Variants in EXOC6B observed in about 807,000 individuals in gnomAD.
The protein encoded by EXOC6B is SEC15 homolog B.
A neutral mutation model predicts 113.5 loss-of-function variants in EXOC6B; 54 were observed. The ratio of observed to expected loss-of-function variants is 0.48; its 90% CI spans 0.38 to 0.60. The LOEUF (loss-of-function observed/expected upper bound fraction) is 0.60, where lower values mean the gene tolerates loss of function less well. EXOC6B is among the 20% of genes least tolerant of loss of function. The pLI is 0.00. For missense variants in EXOC6B, 797 were observed against 977.5 expected (o/e 0.82, Z 2.46); for synonymous variants, 357 against 339.0 (o/e 1.05, Z -0.58).
rs1026864012 is a variant in EXOC6B, at chr2:72,177,903, A to C, written c.*1432T>G. The C allele has an allele frequency of 3.3e-5, 5 of 152,216 alleles. No homozygotes were observed. The highest frequency in any genetic ancestry group is 7.3e-5 in the Non-Finnish European group (5 of 68,046). The allele number at this position is 152,216 out of a possible 1,614,324, so 9.4% of individuals were successfully genotyped here. ...ACTAGCCATCTTTCTGCTACTAGCC[A>C]GTAGCATCTTTCTGAAGTGTCTTAA... On this transcript the variant is annotated 3_prime_UTR_variant, in exon 22 of 22. Coordinates refer to ENST00000272427, the MANE Select transcript of EXOC6B (RefSeq NM_015189.3).
chr2:72,643,987 A>C (rs1673482185), intron 6 of EXOC6B, among the ~76,000 whole-genome samples: 1 of 152,046 alleles, frequency 6.6e-6, no homozygotes, highest in African/African-American at 2.4e-5. Flanking sequence ...AAGGTCGGTA[A>C]TAACAAACTT....
chr2:72,216,133 C>T (rs1413943803), intron 20 of EXOC6B, among the ~76,000 whole-genome samples: 2 of 151,674 alleles, frequency 1.3e-5, no homozygotes. Context: ...CAAAACCAAG[C>T]TAGCAAGCAA....
chr2:72,499,524 C>A (rs184013615), intron 12 of EXOC6B, among the ~76,000 whole-genome samples: 1 of 149,570 alleles, frequency 6.7e-6, no homozygotes, highest in Non-Finnish European at 1.5e-5. Context: ...AGGTACTGCA[C>A]CCAGTCAGAT....
chr2:72,557,560 TA>T (rs1408307308), intron 8 of EXOC6B, among the ~76,000 whole-genome samples: 1 of 152,048 alleles, frequency 6.6e-6, no homozygotes, highest in Non-Finnish European at 1.5e-5. Context: ...GAAAAACAAA[TA>T]TCCCATGTTC....
At chr2:72,289,693 G>T (rs1685666742) in intron 20 of EXOC6B, among the ~76,000 whole-genome samples, 1 of 152,072 alleles carries the variant, frequency 6.6e-6, no homozygotes, top group African/African-American at 2.4e-5. Flanking sequence ...TCTCTGTGAG[G>T]GTATTTCTAG....
At chr2:72,262,427 C>T (rs1033670766) in intron 20 of EXOC6B, among the ~76,000 whole-genome samples, 3 of 152,002 alleles carry the variant, frequency 2.0e-5, no homozygotes, top group African/African-American at 4.8e-5. Flanking sequence ...AATAGTATCC[C>T]TGATATTAAA....
chr2:72,403,628 A>G (rs765568174), intron 18 of EXOC6B, among the ~76,000 whole-genome samples: 2 of 152,192 alleles, frequency 1.3e-5, no homozygotes, highest in African/African-American at 2.4e-5. Context: ...CAGGAGTTCA[A>G]GGCCACAGTG....
At chr2:72,818,937 A>G (rs1686430755) in intron 1 of EXOC6B, among the ~76,000 whole-genome samples, 2 of 152,186 alleles carry the variant, frequency 1.3e-5, no homozygotes, top group African/African-American at 4.8e-5. Flanking sequence ...CCCAGTCATT[A>G]TGTAACATTA....
intron 8 of EXOC6B, among the ~76,000 whole-genome samples, chr2:72,530,454 G>C (rs754617218): frequency 2.0e-5 from 3 of 152,102 alleles, no homozygotes; most frequent in African/African-American, 4.8e-5. Context: ...ATTCCATTGA[G>C]GTCTATGTGT....
Position 72,641,212 on chromosome 2 carries a change from T to C in EXOC6B, c.670-65544A>G, listed in dbSNP as rs1023893624. 3.3e-5 allele frequency among the ~76,000 whole-genome samples: 5 copies of C among 152,244 alleles called. No individual in the cohort carries two copies. In the South Asian group the frequency reaches 1.0e-3, roughly 32 times the overall value. On this transcript the variant is annotated intron_variant, in intron 6 of 21. Transcript: ENST00000272427. ...ACCTGGTTCATCTAATTGGGACTGGTTGGACAGTGGGTGCAGCTCAGAGAG... is the reference window on the plus strand; with the variant it reads ...ACCTGGTTCATCTAATTGGGACTGGCTGGACAGTGGGTGCAGCTCAGAGAG...
At chr2:72,358,528 C>A (rs945086717) in intron 19 of EXOC6B, among the ~76,000 whole-genome samples, 1 of 152,090 alleles carries the variant, frequency 6.6e-6, no homozygotes, top group Non-Finnish European at 1.5e-5. Context: ...TTAGTTATCA[C>A]ATGTCTATGA....
intron 20 of EXOC6B, among the ~76,000 whole-genome samples, chr2:72,242,022 C>T (rs1682343356): frequency 6.6e-6 from 1 of 151,954 alleles, no homozygotes; most frequent in African/African-American, 2.4e-5. Flanking sequence ...GGGCAACATA[C>T]CAAGACCTCG....
Position 72,698,721 on chromosome 2 carries a change from T to C in EXOC6B, c.669+19382A>G, listed in dbSNP as rs148355104. On this transcript the variant is annotated intron_variant, in intron 6 of 21. Coordinates refer to ENST00000272427, the MANE Select transcript of EXOC6B (RefSeq NM_015189.3). ...GACAGCAAAATGAAATATAGGTCAA[T>C]TTATTCTCTGACACCAATCTATTAT... 3.5e-4 allele frequency among the ~76,000 whole-genome samples: 53 copies of C among 152,312 alleles called. 1 individual carries two copies. The East Asian group carries it at 9.8e-3, about 28-fold the overall frequency.
rs78935943 is a variant in EXOC6B at position 72,473,047 on chromosome 2, A to C, written c.1800+7569T>G. Among the ~76,000 whole-genome samples, 1,178 of 152,186 alleles carry C rather than the reference A, an allele frequency of 7.7e-3. 24 individuals carry two copies. The highest frequency in any genetic ancestry group is 0.026 in the African/African-American group (1,092 of 41,540). On this transcript the variant is annotated intron_variant, in intron 17 of 21. Coordinates refer to ENST00000272427, the MANE Select transcript of EXOC6B (RefSeq NM_015189.3). The stretch of plus-strand genomic sequence containing the variant: ...CCATTGTGATCTGGGAATATACTTG[A>C]TGTGATTTTGAATTTCAAAAATTTG...
At chr2:72,724,372 T>C (rs1171797320) in intron 5 of EXOC6B, among the ~76,000 whole-genome samples, 1 of 152,180 alleles carries the variant, frequency 6.6e-6, no homozygotes, top group Non-Finnish European at 1.5e-5. Flanking sequence ...TTAGTAAAGC[T>C]GAACTTCCCT....
chr2:72,824,151 T>C (rs1686761773), intron 1 of EXOC6B, among the ~76,000 whole-genome samples: 1 of 152,078 alleles, frequency 6.6e-6, no homozygotes, highest in Non-Finnish European at 1.5e-5. Flanking sequence ...TTTGGGAGGC[T>C]GGGGTGGGAG....
intron 20 of EXOC6B, among the ~76,000 whole-genome samples, chr2:72,292,656 C>T (rs1488567577): frequency 6.6e-6 from 1 of 152,058 alleles, no homozygotes; most frequent in Admixed American, 6.6e-5. Context: ...CATAAAGAAA[C>T]TCCTTTGTTT....
chr2:72,473,675 AATT>A (rs1698545470), intron 17 of EXOC6B, among the ~76,000 whole-genome samples: 1 of 151,962 alleles, frequency 6.6e-6, no homozygotes, highest in African/African-American at 2.4e-5. Context: ...TTACACCCAA[AATT>A]ATTATTGATA....
chr2:72,402,439 G>A (rs11681845), intron 18 of EXOC6B, among the ~76,000 whole-genome samples: 11,275 of 151,554 alleles, frequency 0.074, 462 homozygotes, highest in African/African-American at 0.1. Flanking sequence ...TTTTGCCAAA[G>A]ATTTTTATTT....
Sources: gnomAD v4.1 joint callset for allele counts (sites outside exome capture counted in the v4.1 genomes callset) on GRCh38, gnomAD v4.1.1 for gene constraint, MANE v1.5 for transcripts, NCBI Gene and HGNC (gene_info 2026-07-23, HGNC 2026-07-21) for gene names.